Variants in NLRP2 observed in about 807,000 individuals in gnomAD.
NLRP2 encodes the protein NLR family pyrin domain containing 2.
A neutral mutation model predicts 97.2 loss-of-function variants in NLRP2; 107 were observed. The observed-to-expected ratio is 1.10, with a 90% CI of 0.94 to 1.29. The LOEUF (loss-of-function observed/expected upper bound fraction) is 1.29, where lower values mean the gene tolerates loss of function less well. Among genes scored for constraint, NLRP2 ranks in the 50% most tolerant of loss-of-function variants. NLRP2 has a pLI of 0.00. For missense variants in NLRP2, 1,495 were observed against 1,330.3 expected (o/e 1.12, Z -1.93); for synonymous variants, 663 against 551.5 (o/e 1.20, Z -2.83).
intron 3 of NLRP2, chr19:54,976,742 T>G (rs917492102): frequency 2.4e-6 from 1 of 425,208 alleles, no homozygotes; most frequent in Admixed American, 2.9e-5. Flanking sequence ...AGGAGTTCCA[T>G]GGACTCACCT....
rs2072174281 is a variant in NLRP2, at chr19:54,987,518, G to C, written c.2366+1203G>C. On this transcript the variant is annotated intron_variant, in intron 8 of 12. Coordinates refer to ENST00000448584, the MANE Select transcript of NLRP2 (RefSeq NM_017852.5). ...CACGCCTGGGAGGCCGAGGTGGGTG[G>C]ATCACTTGAGGTCAGGAGTTCAAGA... 3.9e-5 allele frequency among the ~76,000 whole-genome samples: 6 copies of C among 152,190 alleles called. 1 individual carries two copies. The South Asian group carries it at 1.2e-3, about 32-fold the overall frequency.
chr19:54,982,647 C>G lies in NLRP2; in HGVS notation c.949C>G (p.Leu317Val). ...GGAGAAGAAGAAGCCGGTGCCCGTC[C>G]TCCTGGGGAGTTTGCTGAACAGGGT... Reference protein sequence around the residue: ...DWEKKKPVPVLLGSLLNRVML... With the variant: ...DWEKKKPVPVVLGSLLNRVML... The change falls in exon 6 of 13, where the codon CTC (leucine) becomes GTC (valine). Residue 317 changes from leucine (L) to valine (V), a missense_variant. Coordinates refer to ENST00000448584, the MANE Select transcript of NLRP2 (RefSeq NM_017852.5). 1 of 1,614,148 alleles carries G rather than the reference C, an allele frequency of 6.2e-7. No individual in the cohort carries two copies. The highest frequency in any genetic ancestry group is 8.5e-7 in the Non-Finnish European group (1 of 1,180,032).
chr19:54,984,105 C>T (rs761522533), intron 6 of NLRP2, among the ~76,000 whole-genome samples: 190 of 143,832 alleles, frequency 1.3e-3, no homozygotes, highest in Middle Eastern at 3.4e-3. Flanking sequence ...CCACCTGCCT[C>T]AGCCTCCAAA....
At chr19:54,973,620 C>T (rs1345992727) in intron 2 of NLRP2, among the ~76,000 whole-genome samples, 1 of 152,130 alleles carries the variant, frequency 6.6e-6, no homozygotes, top group Admixed American at 6.6e-5. Context: ...GTGATCTGCC[C>T]ACCTCAGCCT....
chr19:54,994,051 CCT>C (rs2072657171), intron 10 of NLRP2: 3 of 637,078 alleles, frequency 4.7e-6, no homozygotes, highest in South Asian at 3.7e-5. Context: ...TGCTCAGTCA[CCT>C]CTACGAGGTC....
rs532961412 is a variant in NLRP2, at chr19:54,994,325, A to G, written c.2765A>G (p.Gln922Arg). ...DGCCDLTKLL[Q>R]EKSSLLCLDL... ...TGCTGCGATCTCACAAAGCTTCTCCAAGAAAAATCAAGCCTGTTGTGTTTG... is the reference window on the plus strand; with the variant it reads ...TGCTGCGATCTCACAAAGCTTCTCCGAGAAAAATCAAGCCTGTTGTGTTTG... Residue 922 changes from glutamine (Q) to arginine (R), a missense_variant, in exon 11 of 13, where the codon CAA (glutamine) becomes CGA (arginine). Transcript: ENST00000448584. 2.5e-6 allele frequency: 4 copies of G among 1,614,154 alleles called. No homozygotes were observed. The highest frequency in any genetic ancestry group is 3.4e-6 in the Non-Finnish European group (4 of 1,180,018).
chr19:54,970,509 G>T (rs1022949783), intron 2 of NLRP2, among the ~76,000 whole-genome samples: 2 of 152,014 alleles, frequency 1.3e-5, no homozygotes, highest in African/African-American at 4.8e-5. Context: ...ACAAAAATTT[G>T]CTGGACGTGG....
At chr19:54,982,139 T>G in intron 5 of NLRP2, 23 bp from the exon 6 acceptor site, 1 of 1,613,728 alleles carries the variant, frequency 6.2e-7, no homozygotes, top group South Asian at 1.1e-5. Context: ...CCTCTCTCCC[T>G]TCCCTCCTCA....
In NLRP2 at chr19:54,975,962, T is replaced by C. The variant is rs368025652; in HGVS notation, c.325+1418T>C. On this transcript the variant is annotated intron_variant, in intron 3 of 12. Transcript: ENST00000448584. Reference sequence around the variant, plus strand: ...GACAGTTTCACTATGTTGCCAGATATGGTGTCAAACTCCTGGTCTCAAGTG... The same window carrying C: ...GACAGTTTCACTATGTTGCCAGATACGGTGTCAAACTCCTGGTCTCAAGTG... Among the ~76,000 whole-genome samples, 5 of 151,614 alleles carry C rather than the reference T, an allele frequency of 3.3e-5. No homozygotes were observed. In the South Asian group the frequency reaches 6.3e-4, roughly 19 times the overall value.
At chr19:54,985,025 C>T in intron 6 of NLRP2, 22 bp from the exon 7 acceptor site, 2 of 1,613,122 alleles carry the variant, frequency 1.2e-6, no homozygotes, top group South Asian at 1.1e-5. Flanking sequence ...TTTGGTGTAA[C>T]CCTTTCTTCT....
In NLRP2 at chr19:54,989,980, C is replaced by CAAA. The variant is rs35241109; in HGVS notation, c.2367-28_2367-26dup. 1.1e-3 allele frequency: 1,621 copies of CAAA among 1,499,178 alleles called. 3 individuals are homozygous for CAAA. In the African/African-American group the frequency reaches 0.013, roughly 12 times the overall value. 92.9% of individuals were successfully genotyped at this position (1,499,178 alleles called of 1,614,324 possible). On this transcript the variant is annotated intron_variant, in intron 8 of 12. Transcript: ENST00000448584. ...GGGCAACAAGAGTGAGACTCAGTCT[C>CAAA]AAAAAAAAAAAAAAAATGACGTGGT...
chr19:54,968,388 G>T (rs968135527), intron 1 of NLRP2, among the ~76,000 whole-genome samples: 1 of 148,242 alleles, frequency 6.7e-6, no homozygotes, highest in East Asian at 2.1e-4. Flanking sequence ...GCAGTGGTGC[G>T]ATCACAGCTC....
In NLRP2 at chr19:54,986,254, G is replaced by C. The variant is rs758254532; in HGVS notation, c.2305G>C (p.Asp769His). The C allele has an allele frequency of 5.6e-6, 9 of 1,614,056 alleles. No homozygotes were observed. In the East Asian group the frequency reaches 1.8e-4, roughly 32 times the overall value. The part of the protein sequence containing the change: ...YLTLQGNDQD[D>H]MFPALCEVLR... Reference sequence around the variant, plus strand: ...GACCCTTCAAGGCAATGACCAGGATGATATGTTTCCCGCATTGTGTGAGGT... The same window carrying C: ...GACCCTTCAAGGCAATGACCAGGATCATATGTTTCCCGCATTGTGTGAGGT... Residue 769 changes from aspartate (D) to histidine (H), a missense_variant, in exon 8 of 13, where the codon GAT becomes CAT. Transcript: ENST00000448584.
Position 54,990,578 on chromosome 19 carries a change from C to T in NLRP2, c.2614C>T (p.His872Tyr), listed in dbSNP as rs2072406396. The change falls in exon 10 of 13, where the codon CAC becomes TAC. Residue 872 changes from histidine (H) to tyrosine (Y), a missense_variant. By Grantham distance (83) the His-to-Tyr change is moderately conservative (BLOSUM62 2). Transcript: ENST00000448584. ...AVLVVSRELT[H>Y]LCLAKNPIGN... ...GTTGGTTGTCAGCCGGGAGCTGACA[C>T]ACCTGTGCTTGGCCAAGAACCCCAT... is the stretch of plus-strand genomic sequence containing the variant. 1 of 1,614,032 alleles carries T rather than the reference C, an allele frequency of 6.2e-7. No homozygotes were observed. The highest frequency in any genetic ancestry group is 1.7e-5 in the Admixed American group (1 of 59,994).
At position 54,986,131 on chromosome 19, in the gene NLRP2, T is replaced by G. The variant is rs767159615; in HGVS notation, c.2202-20T>G. ...CAGGTGTACACACTAAAGATTTCAC[T>G]TTCGTTCTCTTTTCCCTAGGTTCAA... On this transcript the variant is annotated intron_variant, in intron 7 of 12. Coordinates refer to ENST00000448584, the MANE Select transcript of NLRP2 (RefSeq NM_017852.5). 2 of 1,590,602 alleles carry G rather than the reference T, an allele frequency of 1.3e-6. No homozygotes were observed. The highest frequency in any genetic ancestry group is 4.5e-5 in the East Asian group (2 of 44,822).
chr19:54,998,025 C>CTTTTTTTT lies in NLRP2; in HGVS notation c.3050+548_3050+555dup, dbSNP rs757893808. Among the ~76,000 whole-genome samples the CTTTTTTTT allele has an allele frequency of 5.3e-4, 67 of 127,292 alleles. 1 individual carries two copies. Among genetic ancestry groups the CTTTTTTTT allele is most frequent in the Non-Finnish European group, 7.1e-4 (44 of 61,664 alleles). 83.5% of individuals were successfully genotyped at this position (127,292 alleles called of 152,430 possible). A position where few individuals can be genotyped will look rare whatever the true frequency, so the allele number is the denominator to read the frequency against. On this transcript the variant is annotated intron_variant, in intron 12 of 12. Transcript: ENST00000448584. ...TGGGGTTTTGTTTTGTTTTTTCTTT[C>CTTTTTTTT]TTTTTTTTTTTTTTTTTCTGAGATG... is the stretch of plus-strand genomic sequence containing the variant.
At chr19:54,976,296 A>G (rs767490919) in intron 3 of NLRP2, among the ~76,000 whole-genome samples, 18 of 147,834 alleles carry the variant, frequency 1.2e-4, no homozygotes, top group Non-Finnish European at 2.4e-4. Flanking sequence ...CTCGTGATCC[A>G]CGTGCCTCAG....
rs112543731 is a variant in NLRP2 at position 54,980,484 on chromosome 19, G to A, written c.398-1133G>A. On this transcript the variant is annotated intron_variant, in intron 4 of 12. Transcript: ENST00000448584. The stretch of plus-strand genomic sequence containing the variant: ...GCTGGGATTACAGGCGTGAGCCACC[G>A]CGCCCAGCCGCGGGTAAAGAAATTT... Among the ~76,000 whole-genome samples, 43 of 152,292 alleles carry A rather than the reference G, an allele frequency of 2.8e-4. 1 individual carries two copies. Among genetic ancestry groups the A allele is most frequent in the East Asian group, 1.9e-4 (1 of 5,180 alleles).
intron 11 of NLRP2, 107 bp from the exon 12 acceptor site, chr19:54,997,210 C>T (rs2072877359): frequency 1.7e-6 from 2 of 1,180,428 alleles, no homozygotes; most frequent in Non-Finnish European, 2.5e-6. Flanking sequence ...CGGCCTGAGA[C>T]TTCTGTTGGT....
Sources: gnomAD v4.1 joint callset for allele counts (sites outside exome capture counted in the v4.1 genomes callset) on GRCh38, gnomAD v4.1.1 for gene constraint, MANE v1.5 for transcripts, NCBI Gene and HGNC (gene_info 2026-07-23, HGNC 2026-07-21) for gene names.